GMPS: variants seen among roughly 807,000 people sequenced by gnomAD.
GMPS encodes GMP synthase [glutamine-hydrolyzing].
In GMPS, 15 loss-of-function variants were observed where a neutral mutation model predicts 77.9. The observed-to-expected ratio is 0.19, with a 90% CI of 0.13 to 0.30. The LOEUF is 0.30. GMPS is among the 10% of genes least tolerant of loss of function. GMPS has a pLI of 1.00. For missense variants in GMPS, 590 were observed against 838.8 expected (o/e 0.70, Z 3.66); for synonymous variants, 224 against 275.9 (o/e 0.81, Z 1.86).
intron 5 of GMPS, among the ~76,000 whole-genome samples, chr3:155,906,974 A>T (rs1033193283): frequency 2.6e-5 from 4 of 152,130 alleles, no homozygotes; most frequent in African/African-American, 9.7e-5. Context: ...ATATTCCTGG[A>T]AGTTAGTAAA....
chr3:155,891,741 G>T (rs1754472540), intron 1 of GMPS, among the ~76,000 whole-genome samples: 1 of 151,772 alleles, frequency 6.6e-6, no homozygotes, highest in Non-Finnish European at 1.5e-5. Flanking sequence ...CGAGTAGCTG[G>T]GATTATAGGT....
At chr3:155,885,967 T>C in intron 1 of GMPS, among the ~76,000 whole-genome samples, 1 of 152,036 alleles carries the variant, frequency 6.6e-6, no homozygotes, top group East Asian at 1.9e-4. Context: ...ATTACAGACA[T>C]GTGCTACCAT....
In GMPS at chr3:155,919,331, AT is replaced by A; in HGVS notation, c.1314del (p.Pro439GlnfsTer9). ...LPEELVSRHP[F>X]PGPGLAIRVI... is the part of the protein sequence containing the mutation. ...CAGAAGAGTTAGTTTCCAGGCATCC[AT>A]TTCCAGGTAAAAATTAGAACTGAAT... On this transcript the variant is annotated frameshift_variant, in exon 10 of 16. Transcript: ENST00000496455. LOFTEE classifies it high-confidence loss of function. 6.5e-7 allele frequency: 1 copy of A among 1,537,150 alleles called. No homozygotes were observed. The highest frequency in any genetic ancestry group is 8.9e-7 in the Non-Finnish European group (1 of 1,118,978).
At chr3:155,895,149 CT>C (rs1333257199) in intron 2 of GMPS, among the ~76,000 whole-genome samples, 1 of 152,100 alleles carries the variant, frequency 6.6e-6, no homozygotes, top group Non-Finnish European at 1.5e-5. Context: ...CTAGGTTCAG[CT>C]TGTACCTAGA....
At position 155,941,886 on chromosome 3, in the gene GMPS, CAA is replaced by C. The variant is rs1309466433; in HGVS notation, c.*4196_*4197del. 1 of 212,698 alleles carries C rather than the reference CAA, an allele frequency of 4.7e-6. No individual in the cohort carries two copies. Among genetic ancestry groups the C allele is most frequent in the African/African-American group, 2.3e-5 (1 of 44,210 alleles). The allele number at this position is 212,698 out of a possible 1,614,324, so 13.2% of individuals were successfully genotyped here. ...GCAAGTGAAGAGATATAGAATCCCCCAAAGAGTGTCAAGATGCTAACTTCCAA... is the reference window on the plus strand; with the variant it reads ...GCAAGTGAAGAGATATAGAATCCCCCAGAGTGTCAAGATGCTAACTTCCAA... On this transcript the variant is annotated 3_prime_UTR_variant, in exon 16 of 16. Coordinates refer to ENST00000496455, the MANE Select transcript of GMPS (RefSeq NM_003875.3).
intron 10 of GMPS, 126 bp from the exon 11 acceptor site, chr3:155,922,061 T>C (rs530482794): frequency 3.3e-5 from 17 of 513,170 alleles, no homozygotes; most frequent in South Asian, 3.0e-4. Flanking sequence ...TGGATACTTA[T>C]GATGGGCAGA....
intron 1 of GMPS, among the ~76,000 whole-genome samples, chr3:155,875,873 C>T (rs114258536): frequency 0.03 from 4,525 of 151,876 alleles, 90 homozygotes; most frequent in Middle Eastern, 0.068. Context: ...TTTTGAGGAC[C>T]TAGGAGATTA....
upstream of GMPS, among the ~76,000 whole-genome samples, chr3:155,869,528 T>C (rs1577491437): frequency 6.6e-6 from 1 of 152,232 alleles, no homozygotes; most frequent in East Asian, 1.9e-4. Flanking sequence ...ACTAGGACCT[T>C]AAGCCTTTCG....
intron 1 of GMPS, among the ~76,000 whole-genome samples, chr3:155,879,265 C>CT (rs370727242): frequency 0.09 from 11,082 of 122,536 alleles, 737 homozygotes; most frequent in Middle Eastern, 0.16. Flanking sequence ...CTGCACTTGT[C>CT]TTTTTTTTTT....
At chr3:155,919,462 G>T in intron 10 of GMPS, 124 bp downstream of exon 10, 1 of 578,612 alleles carries the variant, frequency 1.7e-6, no homozygotes, top group South Asian at 2.5e-5. Flanking sequence ...AGAAAGGAAA[G>T]GATGGTTAGG....
chr3:155,884,659 A>G (rs964457377), intron 1 of GMPS, among the ~76,000 whole-genome samples: 5 of 152,196 alleles, frequency 3.3e-5, no homozygotes, highest in African/African-American at 1.2e-4. Context: ...TAGAAGAAAA[A>G]GATAATAGAG....
At position 155,915,867 on chromosome 3, in the gene GMPS, A is replaced by C. The variant is rs372846053; in HGVS notation, c.1039-152A>C. Among the ~76,000 whole-genome samples, 3 of 152,326 alleles carry C rather than the reference A, an allele frequency of 2.0e-5. No homozygotes were observed. In the South Asian group the frequency reaches 6.2e-4, roughly 32 times the overall value. ...ACCTTTTTGAATCGTGTTAGAGGACATGTTCATTAAGGAGTTTATTTTGGA... is the reference window on the plus strand; with the variant it reads ...ACCTTTTTGAATCGTGTTAGAGGACCTGTTCATTAAGGAGTTTATTTTGGA... On this transcript the variant is annotated intron_variant, in intron 8 of 15. Coordinates refer to ENST00000496455, the MANE Select transcript of GMPS (RefSeq NM_003875.3).
intron 4 of GMPS, among the ~76,000 whole-genome samples, chr3:155,905,768 T>A (rs1410860428): frequency 6.6e-6 from 1 of 152,242 alleles, no homozygotes; most frequent in African/African-American, 2.4e-5. Context: ...TAAGTCCTAT[T>A]ACTACTTACA....
intron 12 of GMPS, among the ~76,000 whole-genome samples, chr3:155,929,617 A>C (rs1481975643): frequency 2.8e-5 from 4 of 145,362 alleles, no homozygotes; most frequent in Admixed American, 2.1e-4. Flanking sequence ...AGAAAACCCC[A>C]CTGTCTCAGC....
intron 10 of GMPS, among the ~76,000 whole-genome samples, chr3:155,920,350 A>C (rs1209044412): frequency 6.6e-6 from 1 of 152,120 alleles, no homozygotes; most frequent in Non-Finnish European, 1.5e-5. Context: ...CCTAACCTGC[A>C]TGCCGGCGAA....
At position 155,939,655 on chromosome 3, in the gene GMPS, C is replaced by T. The variant is rs1457000914; in HGVS notation, c.*1963C>T. The T allele has an allele frequency of 5.2e-6, 1 of 191,944 alleles. No individual in the cohort carries two copies. The highest frequency in any genetic ancestry group is 8.3e-5 in the East Asian group (1 of 12,112). 11.9% of individuals were successfully genotyped at this position (191,944 alleles called of 1,614,324 possible). A position where few individuals can be genotyped will look rare whatever the true frequency, so the allele number is the denominator to read the frequency against. ...TTTTTTGAACACCTTTTATATAATC[C>T]CTTCTAATATATACTTAGTATATAC... is the stretch of plus-strand genomic sequence containing the variant. On this transcript the variant is annotated 3_prime_UTR_variant, in exon 16 of 16. Coordinates refer to ENST00000496455, the MANE Select transcript of GMPS (RefSeq NM_003875.3).
chr3:155,905,194 G>A (rs1186012826), intron 4 of GMPS, among the ~76,000 whole-genome samples: 2 of 151,774 alleles, frequency 1.3e-5, no homozygotes, highest in Non-Finnish European at 2.9e-5. Context: ...TAGTAGAGAC[G>A]GAGTTTCACC....
chr3:155,906,164 C>T lies in GMPS; in HGVS notation c.427C>T (p.Leu143Phe), dbSNP rs867075353. ...VDNTCSLFRG[L>F]QKEEVVLLTH... The stretch of plus-strand genomic sequence containing the variant: ...TTTTATTTTTTGTATGTTTAGGGGC[C>T]TTCAGAAGGAAGAAGTTGTTTTGCT... The change falls in exon 5 of 16, where the codon CTT becomes TTT. Residue 143 changes from leucine to phenylalanine, a missense_variant. Leu to Phe is a conservative substitution (Grantham distance 22). Coordinates refer to ENST00000496455, the MANE Select transcript of GMPS (RefSeq NM_003875.3). The T allele has an allele frequency of 1.3e-6, 2 of 1,579,184 alleles. No homozygotes were observed. Among genetic ancestry groups the T allele is most frequent in the Non-Finnish European group, 1.7e-6 (2 of 1,156,386 alleles).
chr3:155,917,379 C>T (rs773436689), intron 9 of GMPS, among the ~76,000 whole-genome samples: 12 of 152,236 alleles, frequency 7.9e-5, no homozygotes, highest in East Asian at 1.9e-4. Flanking sequence ...ACTCTATACC[C>T]GTTAAAAAAC....
Sources: allele counts gnomAD v4.1 joint callset (sites outside exome capture counted in the v4.1 genomes callset), GRCh38; gene constraint gnomAD v4.1.1; transcripts MANE v1.5; gene names NCBI Gene and HGNC (gene_info 2026-07-23, HGNC 2026-07-21).